Variants in CERS6 observed in about 807,000 individuals in gnomAD.
CERS6 encodes ceramide synthase 6.
In CERS6, 26 loss-of-function variants were observed where a neutral mutation model predicts 56.8. That is an observed-to-expected ratio of 0.46 (90% confidence interval 0.34 to 0.63). CERS6 has a LOEUF of 0.63. Ranked by LOEUF, CERS6 falls within the 30% of genes least tolerant of loss-of-function variation. The pLI is 0.01. For synonymous variants in CERS6, 164 were observed against 173.3 expected (o/e 0.95, Z 0.42); for missense variants, 415 against 467.5 (o/e 0.89, Z 1.04).
At chr2:168,687,476 C>T (rs1176027097) in intron 4 of CERS6, among the ~76,000 whole-genome samples, 1 of 152,130 alleles carries the variant, frequency 6.6e-6, no homozygotes, top group East Asian at 1.9e-4. Context: ...CAAGCCCAGA[C>T]CTCAGCCTGC....
chr2:168,749,027 G>GA (rs1684186119), intron 8 of CERS6, among the ~76,000 whole-genome samples: 1 of 134,048 alleles, frequency 7.5e-6, no homozygotes, highest in South Asian at 2.2e-4. Flanking sequence ...TTCCCCAAAA[G>GA]ACAAGGTTTG....
At chr2:168,621,319 C>T (rs1684465732) in intron 3 of CERS6, among the ~76,000 whole-genome samples, 1 of 152,160 alleles carries the variant, frequency 6.6e-6, no homozygotes, top group Non-Finnish European at 1.5e-5. Context: ...ATTTTGGCCA[C>T]AATAGATCAA....
chr2:168,749,445 C>T (rs954698565), intron 8 of CERS6, among the ~76,000 whole-genome samples: 3 of 152,222 alleles, frequency 2.0e-5, no homozygotes, highest in Admixed American at 2.0e-4. Context: ...CCTGTCTTCT[C>T]AGCACTTCCA....
chr2:168,724,883 A>T (rs1427796875), intron 8 of CERS6, among the ~76,000 whole-genome samples: 1 of 152,216 alleles, frequency 6.6e-6, no homozygotes, highest in African/African-American at 2.4e-5. Flanking sequence ...CTGCCAGTCC[A>T]GCGCCGTGTG....
intron 6 of CERS6, among the ~76,000 whole-genome samples, chr2:168,700,929 G>C (rs1009890645): frequency 6.6e-6 from 1 of 152,186 alleles, no homozygotes. Context: ...CACCAGGATT[G>C]TGCTTCTCAG....
chr2:168,463,426 C>G (rs1361052784), intron 1 of CERS6, among the ~76,000 whole-genome samples: 17 of 152,110 alleles, frequency 1.1e-4, no homozygotes, highest in Non-Finnish European at 2.5e-4. Context: ...ATATTTAGGC[C>G]ATTTCCAGTT....
At chr2:168,677,481 A>G (rs1686093742) in intron 4 of CERS6, among the ~76,000 whole-genome samples, 1 of 152,082 alleles carries the variant, frequency 6.6e-6, no homozygotes, top group African/African-American at 2.4e-5. Context: ...GTAAACATAC[A>G]TGTGCATGTG....
intron 3 of CERS6, among the ~76,000 whole-genome samples, chr2:168,598,055 GA>G (rs1205862672): frequency 1.3e-5 from 2 of 152,168 alleles, no homozygotes; most frequent in Non-Finnish European, 2.9e-5. Context: ...CCTTAAGAGG[GA>G]TCTTTAAAAG....
chr2:168,743,372 C>T (rs1442345208), intron 8 of CERS6, among the ~76,000 whole-genome samples: 1 of 152,064 alleles, frequency 6.6e-6, no homozygotes, highest in African/African-American at 2.4e-5. Flanking sequence ...GCAGTGCTCA[C>T]GCCTGTAATC....
chr2:168,588,146 C>T (rs1449656611), intron 3 of CERS6, among the ~76,000 whole-genome samples: 1 of 151,454 alleles, frequency 6.6e-6, no homozygotes, highest in Non-Finnish European at 1.5e-5. Context: ...TATCGACCTC[C>T]TGGCCTTAAG....
intron 3 of CERS6, among the ~76,000 whole-genome samples, chr2:168,595,597 A>G (rs1683778809): frequency 6.6e-6 from 1 of 152,246 alleles, no homozygotes; most frequent in African/African-American, 2.4e-5. Context: ...ATTAAAATGT[A>G]AACTTAAATT....
At chr2:168,732,191 C>G (rs543911022) in intron 8 of CERS6, among the ~76,000 whole-genome samples, 2 of 152,224 alleles carry the variant, frequency 1.3e-5, no homozygotes, top group African/African-American at 4.8e-5. Flanking sequence ...GTTAAATTCC[C>G]TACTCTCAGT....
chr2:168,510,159 C>G (rs1055211789), intron 1 of CERS6, among the ~76,000 whole-genome samples: 1 of 150,366 alleles, frequency 6.7e-6, no homozygotes, highest in African/African-American at 2.4e-5. Context: ...AGAATCTGAT[C>G]CCATGTATTT....
intron 1 of CERS6, among the ~76,000 whole-genome samples, chr2:168,512,376 A>G (rs1408903550): frequency 6.6e-6 from 1 of 152,164 alleles, no homozygotes; most frequent in Non-Finnish European, 1.5e-5. Context: ...AAAAAAAGAT[A>G]TAGGACAGTC....
chr2:168,737,688 C>A (rs1683758933), intron 8 of CERS6, among the ~76,000 whole-genome samples: 1 of 152,144 alleles, frequency 6.6e-6, no homozygotes, highest in Non-Finnish European at 1.5e-5. Context: ...TAATGTGCAT[C>A]TTCTTTTCAA....
intron 1 of CERS6, among the ~76,000 whole-genome samples, chr2:168,472,691 T>G (rs1693999340): frequency 6.6e-6 from 1 of 152,190 alleles, no homozygotes; most frequent in South Asian, 2.1e-4. Flanking sequence ...TAATATACTG[T>G]TTTATAAGGA....
intron 3 of CERS6, among the ~76,000 whole-genome samples, chr2:168,602,159 T>C (rs984104207): frequency 6.6e-6 from 1 of 152,208 alleles, no homozygotes; most frequent in Non-Finnish European, 1.5e-5. Context: ...CAAATAAGCA[T>C]TGGCCGATTC....
intron 4 of CERS6, among the ~76,000 whole-genome samples, chr2:168,631,388 A>G (rs1270589413): frequency 3.7e-5 from 5 of 136,042 alleles, no homozygotes; most frequent in African/African-American, 8.2e-5. Flanking sequence ...ATAACTATAT[A>G]TATTATATAA....
chr2:168,704,569 C>A (rs144482410), intron 6 of CERS6, among the ~76,000 whole-genome samples: 17 of 152,278 alleles, frequency 1.1e-4, no homozygotes, highest in African/African-American at 4.1e-4. Context: ...AAAAGAGGCA[C>A]CCCTTCCACT....
Sources: allele counts gnomAD v4.1 joint callset (sites outside exome capture counted in the v4.1 genomes callset), GRCh38; gene constraint gnomAD v4.1.1; transcripts MANE v1.5; gene names NCBI Gene and HGNC (gene_info 2026-07-23, HGNC 2026-07-21).